Variants in AGAP5 observed in about 807,000 individuals in gnomAD.
AGAP5 encodes the protein arf-GAP with GTPase, ANK repeat and PH domain-containing protein 5.
Under a neutral mutation model 27.7 loss-of-function variants are expected in AGAP5, and 8 were observed. That is an observed-to-expected ratio of 0.29 (90% CI 0.17 to 0.52). The LOEUF (loss-of-function observed/expected upper bound fraction) is 0.52, where lower values mean the gene tolerates loss of function less well. AGAP5 is among the 20% of genes least tolerant of loss of function. The probability of loss-of-function intolerance (pLI) is 0.97; values close to 1 mark genes in which losing one functional copy is unlikely to be tolerated. For synonymous variants in AGAP5, 111 were observed against 338.0 expected, an observed-to-expected ratio of 0.33 and a Z score of 7.37; for missense variants, 285 against 880.8, an observed-to-expected ratio of 0.32 and a Z score of 8.56.
intron 6 of AGAP5, among the ~76,000 whole-genome samples, chr10:73,679,605 TC>T (rs1370701575): frequency 2.0e-5 from 3 of 150,450 alleles, no homozygotes; most frequent in Non-Finnish European, 4.5e-5. Flanking sequence ...AAGTTTTTTT[TC>T]AATGAAAAAC....
At chr10:73,682,071 A>C (rs911109552) in intron 5 of AGAP5, 1 of 983,178 alleles carries the variant, frequency 1.0e-6, no homozygotes, top group African/African-American at 1.7e-5. Context: ...ATTAAAGATA[A>C]AGACATTAAT....
intron 4 of AGAP5, among the ~76,000 whole-genome samples, chr10:73,690,570 A>G (rs1327902217): frequency 6.6e-6 from 1 of 150,546 alleles, no homozygotes; most frequent in Non-Finnish European, 1.5e-5. Context: ...ACCCTGCCAA[A>G]TCCCCCTCTG....
chr10:73,685,916 C>T lies in AGAP5; in HGVS notation c.397-3122G>A, dbSNP rs562812161. Among the ~76,000 whole-genome samples, 6 of 152,238 alleles carry T rather than the reference C, an allele frequency of 3.9e-5. No homozygotes were observed. In the East Asian group the frequency reaches 9.6e-4, roughly 24 times the overall value. ...TGCTGAATGAAGTCATGGACACAAACAAATGGAAAGACACCCCATGCTCAT... is the reference window on the plus strand; with the variant it reads ...TGCTGAATGAAGTCATGGACACAAATAAATGGAAAGACACCCCATGCTCAT... On this transcript the variant is annotated intron_variant, in intron 4 of 7. Coordinates refer to ENST00000374094, the MANE Select transcript of AGAP5 (RefSeq NM_001144000.4).
chr10:73,696,322 C>A (rs1309237870), intron 2 of AGAP5, among the ~76,000 whole-genome samples: 1 of 152,132 alleles, frequency 6.6e-6, no homozygotes. Flanking sequence ...CCAGCCAAAA[C>A]TGTAACTTTC....
rs1489685550 is a variant in AGAP5 at position 73,697,678 on chromosome 10, G to A, written c.78C>T (p.Pro26=). The A allele has an allele frequency of 5.0e-6, 8 of 1,599,424 alleles. No homozygotes were observed. Among genetic ancestry groups the A allele is most frequent in the East Asian group, 4.5e-5 (2 of 44,884 alleles). The change falls in exon 1 of 8, where the codon CCC becomes CCT. Residue 26 remains proline (P), a synonymous_variant. Coordinates refer to ENST00000374094, the MANE Select transcript of AGAP5 (RefSeq NM_001144000.4). ...EFDQQQGSVC[P]SESEIYEAGA... Reference sequence around the variant, plus strand: ...CTGCCTCATAGATCTCAGATTCAGAGGGACACACCGACCCCTGTTGCTGGT... The same window carrying A: ...CTGCCTCATAGATCTCAGATTCAGAAGGACACACCGACCCCTGTTGCTGGT...
intron 3 of AGAP5, among the ~76,000 whole-genome samples, chr10:73,692,683 C>T (rs1174426173): frequency 7.0e-6 from 1 of 143,158 alleles, no homozygotes; most frequent in Non-Finnish European, 1.5e-5. Context: ...CACTCTGTCA[C>T]CTAGGCTCGA....
Position 73,694,835 on chromosome 10 carries a change from G to T in AGAP5, c.293-31C>A, listed in dbSNP as rs373945952. 379 of 1,597,392 alleles carry T rather than the reference G, an allele frequency of 2.4e-4. 5 individuals carry two copies. In the South Asian group the frequency reaches 3.5e-3, roughly 15 times the overall value. On this transcript the variant is annotated intron_variant, in intron 2 of 7. Transcript: ENST00000374094. ...TGCATAGAGGAAGAAAAGAAAAAAA[G>T]ATGTAATCATTGATAAAAATTTATC...
chr10:73,675,942 G>A lies in AGAP5; in HGVS notation c.718C>T (p.Pro240Ser), dbSNP rs1027314128. Reference protein sequence around the residue: ...QFSVPPTANTPTPVCKRSMRW... With the variant: ...QFSVPPTANTSTPVCKRSMRW... ...ATGGACCGCTTGCAAACGGGGGTGG[G>A]TGTGTTGGCAGTGGGAGGAACACTG... Residue 240 changes from proline to serine, a missense_variant, in exon 8 of 8, where the codon CCC becomes TCC. Transcript: ENST00000374094. 6.2e-7 allele frequency: 1 copy of A among 1,613,344 alleles called. No individual in the cohort carries two copies. The highest frequency in any genetic ancestry group is 2.2e-5 in the East Asian group (1 of 44,838).
chr10:73,690,073 C>G (rs927773880), intron 4 of AGAP5, among the ~76,000 whole-genome samples: 2 of 151,998 alleles, frequency 1.3e-5, no homozygotes, highest in Non-Finnish European at 2.9e-5. Flanking sequence ...AGTGAGGAGC[C>G]CCTCTTCCCG....
chr10:73,689,301 C>G (rs11000744), intron 4 of AGAP5, among the ~76,000 whole-genome samples: 103,669 of 152,162 alleles, frequency 0.68, 36,422 homozygotes, highest in Middle Eastern at 0.84. Context: ...CAATGGTGCC[C>G]AGGCTGGAGT....
At chr10:73,677,376 CTTTTT>C (rs3998276) in intron 6 of AGAP5, among the ~76,000 whole-genome samples, 3 of 32,466 alleles carry the variant, frequency 9.2e-5, no homozygotes, top group Non-Finnish European at 1.9e-4. Flanking sequence ...CATAACTGTT[CTTTTT>C]TTTTTTTTTT....
At chr10:73,681,349 T>C (rs2082023061) in intron 5 of AGAP5, 3 of 985,346 alleles carry the variant, frequency 3.0e-6, no homozygotes, top group Non-Finnish European at 3.6e-6. Flanking sequence ...TGCCTACAGA[T>C]AGAGGGAAAG....
intron 3 of AGAP5, among the ~76,000 whole-genome samples, chr10:73,694,172 G>C (rs2082141672): frequency 1.3e-5 from 2 of 152,140 alleles, no homozygotes; most frequent in South Asian, 4.1e-4. Flanking sequence ...AGCAGGAGTA[G>C]GGCATGTTTA....
intron 4 of AGAP5, among the ~76,000 whole-genome samples, chr10:73,687,452 T>A (rs1166124188): frequency 6.6e-6 from 1 of 152,192 alleles, no homozygotes; most frequent in Non-Finnish European, 1.5e-5. Flanking sequence ...AGACATGAGG[T>A]CTTGCTATGT....
chr10:73,686,334 G>C (rs1039313081), intron 4 of AGAP5, among the ~76,000 whole-genome samples: 1 of 152,170 alleles, frequency 6.6e-6, no homozygotes, highest in African/African-American at 2.4e-5. Context: ...AAATGGTGCT[G>C]GGATAATTGG....
At chr10:73,681,374 T>A (rs1239737952) in intron 5 of AGAP5, 25 of 985,326 alleles carry the variant, frequency 2.5e-5, no homozygotes, top group Non-Finnish European at 3.0e-5. Context: ...GATGGGAAGA[T>A]ACATGTATTT....
At position 73,675,501 on chromosome 10, in the gene AGAP5, G is replaced by C. The variant is rs1223092516; in HGVS notation, c.1159C>G (p.Pro387Ala). ...FSPSISSTTS[P>A]KLNPPPSPHA... ...GGAGAGGGGGGCGGGTTGAGCTTGG[G>C]GCTGGTGGTGCTGGAGATACTGGGG... Residue 387 changes from proline (P) to alanine (A), a missense_variant, in exon 8 of 8, where the codon CCC (proline) becomes GCC (alanine). Coordinates refer to ENST00000374094, the MANE Select transcript of AGAP5 (RefSeq NM_001144000.4). 2 of 1,613,314 alleles carry C rather than the reference G, an allele frequency of 1.2e-6. No homozygotes were observed. Among genetic ancestry groups the C allele is most frequent in the Admixed American group, 1.7e-5 (1 of 59,934 alleles).
At chr10:73,695,387 TG>T (rs2082153032) in intron 2 of AGAP5, among the ~76,000 whole-genome samples, 1 of 152,188 alleles carries the variant, frequency 6.6e-6, no homozygotes, top group Admixed American at 6.5e-5. Context: ...TTATTTGTAT[TG>T]GAAAGGGCCA....
chr10:73,695,257 C>T (rs1462080900), intron 2 of AGAP5, among the ~76,000 whole-genome samples: 3 of 152,070 alleles, frequency 2.0e-5, no homozygotes, highest in South Asian at 2.1e-4. Flanking sequence ...TCTGTCACTT[C>T]CATTTCATTC....
Sources: allele counts gnomAD v4.1 joint callset (sites outside exome capture counted in the v4.1 genomes callset), GRCh38; gene constraint gnomAD v4.1.1; transcripts MANE v1.5; gene names NCBI Gene and HGNC (gene_info 2026-07-23, HGNC 2026-07-21).